Variants in PTPDC1 observed in about 807,000 individuals in gnomAD.
The protein encoded by PTPDC1 is protein tyrosine phosphatase domain containing 1, also known as protein tyrosine phosphatase domain-containing protein 1.
In PTPDC1, 53 loss-of-function variants were observed where a neutral mutation model predicts 75.3. The observed-to-expected ratio is 0.70, with a 90% CI of 0.56 to 0.88. The LOEUF is 0.88. PTPDC1 is among the 40% of genes least tolerant of loss of function. The pLI is 0.00. For synonymous variants in PTPDC1, 349 were observed against 366.2 expected (o/e 0.95, Z 0.54); for missense variants, 925 against 998.6 (o/e 0.93, Z 0.99).
intron 1 of PTPDC1, among the ~76,000 whole-genome samples, chr9:94,036,706 A>C (rs1250557675): frequency 6.6e-6 from 1 of 152,192 alleles, no homozygotes; most frequent in Non-Finnish European, 1.5e-5. Context: ...CAATCTCTGG[A>C]TTAGACTTCC....
At chr9:94,104,968 C>T (rs956349307) in intron 8 of PTPDC1, among the ~76,000 whole-genome samples, 2 of 152,192 alleles carry the variant, frequency 1.3e-5, no homozygotes, top group African/African-American at 4.8e-5. Context: ...TTGTTTATTA[C>T]TTCTCATTGA....
At chr9:94,096,164 A>G (rs1457391576) in intron 5 of PTPDC1, among the ~76,000 whole-genome samples, 3 of 152,220 alleles carry the variant, frequency 2.0e-5, no homozygotes, top group Admixed American at 6.5e-5. Context: ...TGAAATTTTC[A>G]TTGTCATCTG....
At chr9:94,090,380 A>G (rs1179362565) in intron 4 of PTPDC1, among the ~76,000 whole-genome samples, 1 of 151,208 alleles carries the variant, frequency 6.6e-6, no homozygotes, top group Non-Finnish European at 1.5e-5. Context: ...GTCAAAGATC[A>G]GATAGCTGTA....
At chr9:94,096,131 G>A (rs1827556713) in intron 5 of PTPDC1, among the ~76,000 whole-genome samples, 1 of 152,152 alleles carries the variant, frequency 6.6e-6, no homozygotes, top group Admixed American at 6.5e-5. Context: ...CTGATATTGG[G>A]GCAAAAATGA....
chr9:94,041,013 C>T (rs1401701107), intron 1 of PTPDC1, among the ~76,000 whole-genome samples: 1 of 152,198 alleles, frequency 6.6e-6, no homozygotes, highest in African/African-American at 2.4e-5. Context: ...CTCTTTCTTT[C>T]TACCTGATAG....
chr9:94,047,257 T>C (rs573955089), intron 1 of PTPDC1, among the ~76,000 whole-genome samples: 9 of 152,344 alleles, frequency 5.9e-5, no homozygotes, highest in South Asian at 4.1e-4. Context: ...CAGTATTTTA[T>C]TGAGGATTTT....
chr9:94,046,130 G>C (rs1170115228), intron 1 of PTPDC1, among the ~76,000 whole-genome samples: 2 of 152,124 alleles, frequency 1.3e-5, no homozygotes, highest in Non-Finnish European at 2.9e-5. Context: ...GTTTTTGTCA[G>C]GTTTGTCAAA....
At chr9:94,046,801 T>C (rs568329064) in intron 1 of PTPDC1, among the ~76,000 whole-genome samples, 74 of 152,270 alleles carry the variant, frequency 4.9e-4, no homozygotes, top group Non-Finnish European at 8.7e-4. Context: ...ACAGGGACAA[T>C]TTGACTTCCT....
At position 94,075,891 on chromosome 9, in the gene PTPDC1, G is replaced by T. The variant is rs574820271; in HGVS notation, c.83-9360G>T. On this transcript the variant is annotated intron_variant, in intron 2 of 9. Coordinates refer to the PTPDC1 transcript ENST00000375360. ...TTAAAGTACCAATCCAGTGTTTTTA[G>T]AACATTCAAAGAGCTATGTAACCAA... Among the ~76,000 whole-genome samples, 4 of 152,290 alleles carry T rather than the reference G, an allele frequency of 2.6e-5. No homozygotes were observed. In the South Asian group the frequency reaches 8.3e-4, roughly 32 times the overall value.
At chr9:94,058,150 G>C (rs1299836024) in intron 1 of PTPDC1, among the ~76,000 whole-genome samples, 1 of 152,118 alleles carries the variant, frequency 6.6e-6, no homozygotes, top group Non-Finnish European at 1.5e-5. Context: ...GCAGAGTTCA[G>C]TGTGGCCAAG....
At chr9:94,070,765 A>G (rs1826487280) in intron 2 of PTPDC1, among the ~76,000 whole-genome samples, 1 of 152,200 alleles carries the variant, frequency 6.6e-6, no homozygotes. Flanking sequence ...ATCATACAGT[A>G]TGTAACCTTT....
At chr9:94,067,395 A>ATGAT (rs200116153) in intron 2 of PTPDC1, among the ~76,000 whole-genome samples, 1 of 143,658 alleles carries the variant, frequency 7.0e-6, no homozygotes, top group African/African-American at 2.9e-5. Flanking sequence ...ATCTCAAAAA[A>ATGAT]AAAAAATAAT....
chr9:94,055,886 C>T (rs1825917677), intron 1 of PTPDC1, among the ~76,000 whole-genome samples: 1 of 152,118 alleles, frequency 6.6e-6, no homozygotes, highest in Admixed American at 6.5e-5. Context: ...CTTTTCTAAA[C>T]CCACAGAATG....
At position 94,084,540 on chromosome 9, in the gene PTPDC1, C is replaced by A. The variant is rs1259370741; in HGVS notation, c.10C>A (p.Gln4Lys). 2 of 1,611,200 alleles carry A rather than the reference C, an allele frequency of 1.2e-6. No individual in the cohort carries two copies. The highest frequency in any genetic ancestry group is 1.7e-6 in the Non-Finnish European group (2 of 1,179,966). MQV[Q>K]DATRRPSAVR... Reference sequence around the variant, plus strand: ...CTTGCCTCCCAGTGCCATGCAGGTGCAGGATGCAACCAGGCGGCCCTCAGC... The same window carrying A: ...CTTGCCTCCCAGTGCCATGCAGGTGAAGGATGCAACCAGGCGGCCCTCAGC... Residue 4 changes from glutamine to lysine, a missense_variant, in exon 1 of 9, where the codon CAG becomes AAG. Transcript: ENST00000620992.
intron 1 of PTPDC1, among the ~76,000 whole-genome samples, chr9:94,042,985 T>C (rs1458864216): frequency 6.6e-6 from 1 of 152,218 alleles, no homozygotes; most frequent in Non-Finnish European, 1.5e-5. Flanking sequence ...AGTTTTATCA[T>C]GAAATTGCAG....
intron 1 of PTPDC1, among the ~76,000 whole-genome samples, chr9:94,043,074 A>G (rs1825479680): frequency 6.6e-6 from 1 of 152,156 alleles, no homozygotes; most frequent in Admixed American, 6.5e-5. Flanking sequence ...TACTTCCTCC[A>G]CTGAAGTCTT....
At chr9:94,066,879 A>G (rs1826326341) in intron 2 of PTPDC1, among the ~76,000 whole-genome samples, 1 of 152,176 alleles carries the variant, frequency 6.6e-6, no homozygotes, top group East Asian at 1.9e-4. Flanking sequence ...AAAAAATAAA[A>G]AATAAAAAAA....
In PTPDC1 at chr9:94,032,404, A is replaced by G. The variant is rs144291927; in HGVS notation, c.-7+1277A>G. 1.4e-4 allele frequency among the ~76,000 whole-genome samples: 22 copies of G among 152,286 alleles called. No individual in the cohort carries two copies. The East Asian group carries it at 4.3e-3, about 29-fold the overall frequency. On this transcript the variant is annotated intron_variant, in intron 1 of 9. Coordinates refer to the PTPDC1 transcript ENST00000375360. ...CTAGTCTAATTTCCCACCCAATCCC[A>G]AAGTCTTCGTGGGGTTGTACCCAAG...
At position 94,098,029 on chromosome 9, in the gene PTPDC1, A is replaced by G. The variant is rs370728526; in HGVS notation, c.1463A>G (p.Tyr488Cys). 6.2e-7 allele frequency: 1 copy of G among 1,614,204 alleles called. No homozygotes were observed. The highest frequency in any genetic ancestry group is 8.5e-7 in the Non-Finnish European group (1 of 1,180,030). The change falls in exon 6 of 9, where the codon TAC becomes TGC. Residue 488 changes from tyrosine (Y) to cysteine (C), a missense_variant. By Grantham distance (194) the Tyr-to-Cys change is radical (BLOSUM62 -2). Transcript: ENST00000620992. Reference sequence around the variant, plus strand: ...CAGCAGAAGCTCATAAGCCATTGTTACATCCCACAGTCTCCAGAACCAGAC... The same window carrying G: ...CAGCAGAAGCTCATAAGCCATTGTTGCATCCCACAGTCTCCAGAACCAGAC... ...PRQQKLISHC[Y>C]IPQSPEPDLH...
Sources: allele counts gnomAD v4.1 joint callset (sites outside exome capture counted in the v4.1 genomes callset), GRCh38; gene constraint gnomAD v4.1.1; transcripts MANE v1.5; gene names NCBI Gene and HGNC (gene_info 2026-07-23, HGNC 2026-07-21).